Variants in SSPN observed in about 807,000 individuals in gnomAD.
SSPN encodes the protein sarcospan.
Under a neutral mutation model 19.1 loss-of-function variants are expected in SSPN, and 15 were observed. The ratio of observed to expected loss-of-function variants is 0.78; its 90% confidence interval spans 0.52 to 1.21. SSPN has a LOEUF of 1.21. SSPN is among the 50% of genes most tolerant of loss of function. The pLI, the probability that SSPN is intolerant of heterozygous loss-of-function variation, is 0.00. For missense variants in SSPN, 291 were observed against 314.0 expected (o/e 0.93, Z 0.55); for synonymous variants, 147 against 140.3 (o/e 1.05, Z -0.34).
chr12:26,149,842 A>C (rs1944514581), intron 1 of SSPN, among the ~76,000 whole-genome samples: 1 of 152,200 alleles, frequency 6.6e-6, no homozygotes, highest in Non-Finnish European at 1.5e-5. Context: ...ATCCACACAT[A>C]CTGCACCTGA....
intron 2 of SSPN, among the ~76,000 whole-genome samples, chr12:26,228,209 A>T (rs1488600445): frequency 1.3e-5 from 2 of 151,800 alleles, no homozygotes; most frequent in African/African-American, 4.8e-5. Flanking sequence ...CAGCCTGGGC[A>T]AAATGGTGAA....
intron 1 of SSPN, among the ~76,000 whole-genome samples, chr12:26,160,730 T>C (rs1400704494): frequency 1.3e-5 from 2 of 152,152 alleles, no homozygotes; most frequent in East Asian, 3.9e-4. Context: ...CACTATTATC[T>C]TTCATCTTAT....
In SSPN at chr12:26,195,641, G is replaced by GCTGCC; in HGVS notation, c.-31_-30insTGCCC. On this transcript the variant is annotated 5_prime_UTR_variant, in exon 1 of 3. Transcript: ENST00000242729. ...CTCCAGGGCCCAGGGCGCCGCACACGCACCCACCCACCCACCCAGCCTCGC... is the reference window on the plus strand; with the variant it reads ...CTCCAGGGCCCAGGGCGCCGCACACGCTGCCCACCCACCCACCCACCCAGCCTCGC... 13 of 1,105,308 alleles carry GCTGCC rather than the reference G, an allele frequency of 1.2e-5. No homozygotes were observed. Among genetic ancestry groups the GCTGCC allele is most frequent in the East Asian group, 3.5e-5 (1 of 28,496 alleles). 68.5% of individuals were successfully genotyped at this position (1,105,308 alleles called of 1,614,324 possible).
At position 26,128,076 on chromosome 12, in the gene SSPN, C is replaced by T. The variant is rs142591293; in HGVS notation, c.-31+5924C>T. Among the ~76,000 whole-genome samples the T allele has an allele frequency of 5.0e-3, 762 of 152,284 alleles. 5 individuals are homozygous for T. The highest frequency in any genetic ancestry group is 8.0e-3 in the Non-Finnish European group (543 of 68,026). On this transcript the variant is annotated intron_variant, in intron 1 of 2. Transcript: ENST00000538142. ...AGATTGCAAAATATTTCCAAGGTCC[C>T]AGAGCCAGGATTTAAGCCCAGACAG...
At chr12:26,136,550 T>C (rs914954905) in intron 1 of SSPN, among the ~76,000 whole-genome samples, 9 of 152,350 alleles carry the variant, frequency 5.9e-5, no homozygotes, top group African/African-American at 1.9e-4. Flanking sequence ...CAATAAATGA[T>C]AGCTATTATT....
At position 26,195,641 on chromosome 12, in the gene SSPN, G is replaced by GCGGGGCCCCC; in HGVS notation, c.-31_-30insGGGGCCCCCC. The GCGGGGCCCCC allele has an allele frequency of 4.5e-6, 5 of 1,105,394 alleles. No individual in the cohort carries two copies. The highest frequency in any genetic ancestry group is 1.7e-5 in the African/African-American group (1 of 60,322). 68.5% of individuals were successfully genotyped at this position (1,105,394 alleles called of 1,614,324 possible). A position where few individuals can be genotyped will look rare whatever the true frequency, so the allele number is the denominator to read the frequency against. On this transcript the variant is annotated 5_prime_UTR_variant, in exon 1 of 3. Coordinates refer to ENST00000242729, the MANE Select transcript of SSPN (RefSeq NM_005086.5). ...CTCCAGGGCCCAGGGCGCCGCACAC[G>GCGGGGCCCCC]CACCCACCCACCCACCCAGCCTCGC...
chr12:26,144,203 G>A (rs974828867), intron 1 of SSPN, among the ~76,000 whole-genome samples: 11 of 152,178 alleles, frequency 7.2e-5, no homozygotes, highest in Non-Finnish European at 1.2e-4. Context: ...GGGGACTGCC[G>A]CCTTAAAACA....
chr12:26,221,754 GA>G lies in SSPN; in HGVS notation c.280-2537del, dbSNP rs571698353. 5.3e-4 allele frequency among the ~76,000 whole-genome samples: 80 copies of G among 152,346 alleles called. 1 individual carries two copies. In the South Asian group the frequency reaches 8.7e-3, roughly 17 times the overall value. On this transcript the variant is annotated intron_variant, in intron 1 of 2. Transcript: ENST00000242729. ...ACTTCAGCTGGTAGTCTCTAGCGAA[GA>G]AGGCAGTTACGTGGGAGAGCCTGAC...
At position 26,231,835 on chromosome 12, in the gene SSPN, TA is replaced by T; in HGVS notation, c.*763del. 1.5e-6 allele frequency: 1 copy of T among 665,036 alleles called. No homozygotes were observed. The highest frequency in any genetic ancestry group is 1.9e-6 in the Non-Finnish European group (1 of 537,552). 41.2% of individuals were successfully genotyped at this position (665,036 alleles called of 1,614,324 possible). A position where few individuals can be genotyped will look rare whatever the true frequency, so the allele number is the denominator to read the frequency against. ...TACATTATGCTTCTATTCTATCATC[TA>T]AAACAAATCATTAAAACTAATTTCT... is the stretch of plus-strand genomic sequence containing the variant. On this transcript the variant is annotated 3_prime_UTR_variant, in exon 3 of 3. Transcript: ENST00000242729.
At chr12:26,191,677 T>TACACAC (rs10525695), upstream of SSPN, among the ~76,000 whole-genome samples, 2 of 149,016 alleles carry the variant, frequency 1.3e-5, no homozygotes, top group Admixed American at 6.7e-5. Flanking sequence ...TAATTTGTTC[T>TACACAC]ACACACACAC....
At chr12:26,129,230 T>G (rs1437252458) in intron 1 of SSPN, among the ~76,000 whole-genome samples, 1 of 152,242 alleles carries the variant, frequency 6.6e-6, no homozygotes, top group Admixed American at 6.5e-5. Context: ...GAAGCCATTC[T>G]TGATCACCTC....
At chr12:26,150,624 C>T (rs199880260) in intron 1 of SSPN, among the ~76,000 whole-genome samples, 1 of 91,862 alleles carries the variant, frequency 1.1e-5, no homozygotes, top group Non-Finnish European at 2.5e-5. Flanking sequence ...GGGGAGTCAT[C>T]TGCATCATTA....
upstream of SSPN, among the ~76,000 whole-genome samples, chr12:26,193,863 A>G (rs762843654): frequency 6.6e-6 from 1 of 152,242 alleles, no homozygotes; most frequent in African/African-American, 2.4e-5. Flanking sequence ...AGGCATAAGG[A>G]GAACACCTAA....
intron 1 of SSPN, chr12:26,122,644 C>CGCCGCT (rs761449780): frequency 9.8e-6 from 13 of 1,321,764 alleles, no homozygotes; most frequent in East Asian, 9.1e-5. Context: ...CCCGGGCCGC[C>CGCCGCT]GCCGCTGCCG....
intron 1 of SSPN, among the ~76,000 whole-genome samples, chr12:26,187,585 A>G (rs1012251637): frequency 3.2e-4 from 48 of 152,288 alleles, no homozygotes; most frequent in Admixed American, 6.5e-4. Flanking sequence ...CAGACTTTTT[A>G]TGATTGGCTG....
Position 26,161,376 on chromosome 12 carries a change from T to C in SSPN, c.-31+39224T>C, listed in dbSNP as rs1016999847. On this transcript the variant is annotated intron_variant, in intron 1 of 2. Coordinates refer to the SSPN transcript ENST00000538142. ...AGGGTCTTGGCTTTAGCTCTCTGCCTGGAGCAGTCTTCCCAATGGCATCCT... is the reference window on the plus strand; with the variant it reads ...AGGGTCTTGGCTTTAGCTCTCTGCCCGGAGCAGTCTTCCCAATGGCATCCT... Among the ~76,000 whole-genome samples, 12 of 152,238 alleles carry C rather than the reference T, an allele frequency of 7.9e-5. No individual in the cohort carries two copies. In the South Asian group the frequency reaches 2.5e-3, roughly 32 times the overall value.
intron 1 of SSPN, among the ~76,000 whole-genome samples, chr12:26,190,152 G>C (rs1279808313): frequency 3.3e-5 from 5 of 152,228 alleles, no homozygotes; most frequent in African/African-American, 1.2e-4. Flanking sequence ...ATTTTGGTAT[G>C]CTTCCTTTCA....
chr12:26,226,627 T>C (rs150373664), intron 2 of SSPN, among the ~76,000 whole-genome samples: 1,911 of 152,258 alleles, frequency 0.013, 43 homozygotes, highest in African/African-American at 0.043. Flanking sequence ...TCTCTGCCTC[T>C]GGGCTTGGCT....
At chr12:26,211,500 G>T (rs987615296) in intron 1 of SSPN, 1 of 152,192 alleles carries the variant, frequency 6.6e-6, no homozygotes, top group Non-Finnish European at 1.5e-5. Flanking sequence ...GTCACTTTGT[G>T]CTGGCACACG....
Sources: gnomAD v4.1 joint callset for allele counts (sites outside exome capture counted in the v4.1 genomes callset) on GRCh38, gnomAD v4.1.1 for gene constraint, MANE v1.5 for transcripts, NCBI Gene and HGNC (gene_info 2026-07-23, HGNC 2026-07-21) for gene names.